LHPP: variants seen among roughly 807,000 people sequenced by gnomAD.
LHPP encodes hLHPP.
In LHPP, 24 loss-of-function variants were observed where a neutral mutation model predicts 30.3. The observed-to-expected ratio is 0.79, with a 90% CI of 0.57 to 1.11. The LOEUF (loss-of-function observed/expected upper bound fraction) is 1.11. LHPP is among the 50% of genes most tolerant of loss of function. The probability of loss-of-function intolerance (pLI) is 0.00; values close to 1 mark genes in which losing one functional copy is unlikely to be tolerated. For missense variants in LHPP, 356 were observed against 367.2 expected, an observed-to-expected ratio of 0.97 and a Z score of 0.25; for synonymous variants, 150 against 157.1, an observed-to-expected ratio of 0.95 and a Z score of 0.34.
chr10:124,543,056 C>T (rs1005796226), intron 6 of LHPP, among the ~76,000 whole-genome samples: 6 of 152,180 alleles, frequency 3.9e-5, no homozygotes, highest in Non-Finnish European at 7.4e-5. Flanking sequence ...GCCACCCATG[C>T]CCATCTCAGG....
At chr10:124,604,700 G>A (rs560143981) in intron 6 of LHPP, among the ~76,000 whole-genome samples, 19 of 152,334 alleles carry the variant, frequency 1.2e-4, no homozygotes, top group African/African-American at 4.3e-4. Flanking sequence ...CAAGTCTGTC[G>A]GCACAGCCGA....
intron 6 of LHPP, among the ~76,000 whole-genome samples, chr10:124,568,790 C>T (rs907809160): frequency 2.0e-5 from 3 of 152,192 alleles, no homozygotes; most frequent in South Asian, 4.1e-4. Flanking sequence ...CTCACCTCGC[C>T]GTTACACACG....
intron 1 of LHPP, among the ~76,000 whole-genome samples, chr10:124,463,279 C>T (rs1952458274): frequency 6.6e-6 from 1 of 151,840 alleles, no homozygotes; most frequent in African/African-American, 2.4e-5. Context: ...ACCTTTGTGG[C>T]TCTCATTATA....
chr10:124,464,353 T>A (rs893622914), intron 1 of LHPP, among the ~76,000 whole-genome samples: 1 of 152,180 alleles, frequency 6.6e-6, no homozygotes, highest in Non-Finnish European at 1.5e-5. Flanking sequence ...TGGTCCTTCT[T>A]AGAGACCCCA....
intron 6 of LHPP, among the ~76,000 whole-genome samples, chr10:124,605,833 A>AG (rs112877368): frequency 0.81 from 120,851 of 149,712 alleles, 48,990 homozygotes; most frequent in East Asian, 0.98. Context: ...GGCAGGAGGG[A>AG]GAGCCAGTGG....
intron 6 of LHPP, among the ~76,000 whole-genome samples, chr10:124,555,932 G>A (rs1011231254): frequency 6.6e-6 from 1 of 152,082 alleles, no homozygotes; most frequent in Non-Finnish European, 1.5e-5. Context: ...TCACTGGCCC[G>A]AGGTCACACA....
intron 5 of LHPP, chr10:124,498,402 T>C (rs1953795156): frequency 1.0e-5 from 16 of 1,546,862 alleles, no homozygotes; most frequent in Non-Finnish European, 1.4e-5. Flanking sequence ...TCTGAAAGGA[T>C]AAGAATTGAC....
At chr10:124,585,628 GAA>G (rs796813359) in intron 6 of LHPP, among the ~76,000 whole-genome samples, 34 of 148,976 alleles carry the variant, frequency 2.3e-4, no homozygotes, top group African/African-American at 8.0e-4. Context: ...AAAAAAAAAA[GAA>G]AAAGAAAAAA....
intron 6 of LHPP, among the ~76,000 whole-genome samples, chr10:124,610,948 T>TGGTG (rs1949184679): frequency 1.2e-5 from 1 of 81,032 alleles, no homozygotes; most frequent in African/African-American, 5.2e-5. Flanking sequence ...GTGAGGGTGC[T>TGGTG]GATGGAGCGG....
At chr10:124,539,275 C>T (rs1955114771) in intron 6 of LHPP, among the ~76,000 whole-genome samples, 1 of 152,180 alleles carries the variant, frequency 6.6e-6, no homozygotes, top group African/African-American at 2.4e-5. Context: ...GCCACTCGAG[C>T]ACCCAAGGCC....
chr10:124,545,865 G>C (rs1198840946), intron 6 of LHPP: 1 of 152,236 alleles, frequency 6.6e-6, no homozygotes, highest in African/African-American at 2.4e-5. Context: ...GGAAAATGCA[G>C]CGCTTTTGCT....
At chr10:124,613,110 G>A (rs1949223177) in intron 6 of LHPP, among the ~76,000 whole-genome samples, 154 bp from the exon 7 acceptor site, 1 of 152,176 alleles carries the variant, frequency 6.6e-6, no homozygotes, top group South Asian at 2.1e-4. Context: ...AGGGGGAGGA[G>A]GGGGATGGCC....
At chr10:124,499,979 A>C (rs1953852737) in intron 5 of LHPP, among the ~76,000 whole-genome samples, 1 of 152,044 alleles carries the variant, frequency 6.6e-6, no homozygotes, top group East Asian at 1.9e-4. Flanking sequence ...TTGTGTTTTG[A>C]ATGAGTGAGA....
In LHPP at chr10:124,497,035, T is replaced by G; in HGVS notation, c.531+11T>G. 6.2e-7 allele frequency: 1 copy of G among 1,612,378 alleles called. No homozygotes were observed. The highest frequency in any genetic ancestry group is 8.5e-7 in the Non-Finnish European group (1 of 1,178,476). ...ATGAAGGCGCTTGAGGTACCAGCCC[T>G]GGTTCTGTCCCAAACTCTCTTCAGA... is the stretch of plus-strand genomic sequence containing the variant. On this transcript the variant is annotated intron_variant, in intron 4 of 6. Coordinates refer to ENST00000368842, the MANE Select transcript of LHPP (RefSeq NM_022126.4).
chr10:124,529,471 C>T (rs973489853), intron 6 of LHPP, among the ~76,000 whole-genome samples: 3 of 152,168 alleles, frequency 2.0e-5, no homozygotes, highest in African/African-American at 7.2e-5. Context: ...AAATAGGCCT[C>T]CTGGTGAGGA....
At chr10:124,479,304 C>T (rs919904424) in intron 1 of LHPP, among the ~76,000 whole-genome samples, 1 of 152,174 alleles carries the variant, frequency 6.6e-6, no homozygotes, top group Non-Finnish European at 1.5e-5. Flanking sequence ...CTTTGTACAG[C>T]TCTCTGCAAG....
At position 124,594,033 on chromosome 10, in the gene LHPP, C is replaced by T. The variant is rs577436900; in HGVS notation, c.717-19231C>T. Among the ~76,000 whole-genome samples the T allele has an allele frequency of 9.2e-5, 14 of 152,288 alleles. No individual in the cohort carries two copies. The East Asian group carries it at 1.2e-3, about 13-fold the overall frequency. On this transcript the variant is annotated intron_variant, in intron 6 of 6. Transcript: ENST00000368842. ...ACCAAACTAGAGACTGTTATTATTA[C>T]GCACATTTTAAGACAGCATCGGCCG... is the stretch of plus-strand genomic sequence containing the variant.
intron 6 of LHPP, among the ~76,000 whole-genome samples, chr10:124,609,323 G>A (rs1949135928): frequency 1.3e-5 from 2 of 152,168 alleles, no homozygotes; most frequent in Admixed American, 1.3e-4. Flanking sequence ...GCTCACCACA[G>A]CCTCAACCTC....
At chr10:124,512,712 C>G (rs1954336384) in intron 5 of LHPP, among the ~76,000 whole-genome samples, 1 of 152,058 alleles carries the variant, frequency 6.6e-6, no homozygotes, top group Non-Finnish European at 1.5e-5. Flanking sequence ...AACGCCACAC[C>G]TGTTATACCC....
Sources: allele counts gnomAD v4.1 joint callset (sites outside exome capture counted in the v4.1 genomes callset), GRCh38; gene constraint gnomAD v4.1.1; transcripts MANE v1.5; gene names NCBI Gene and HGNC (gene_info 2026-07-23, HGNC 2026-07-21).